The following TNRC6A variants were observed in gnomAD, a reference collection of about 807,000 sequenced individuals.
TNRC6A encodes the protein trinucleotide repeat-containing gene 6A protein.
In TNRC6A, 44 loss-of-function variants were observed where a neutral mutation model predicts 221.2. The observed-to-expected ratio is 0.20, with a 90% CI of 0.16 to 0.26. The LOEUF (loss-of-function observed/expected upper bound fraction) is 0.26. Ranked by LOEUF, TNRC6A falls within the 10% of genes least tolerant of loss-of-function variation. The pLI, the probability that TNRC6A is intolerant of heterozygous loss-of-function variation, is 1.00. For missense variants in TNRC6A, 2,199 were observed against 2,404.4 expected (o/e 0.91, Z 1.79); for synonymous variants, 847 against 838.5 (o/e 1.01, Z -0.18).
intron 1 of TNRC6A, among the ~76,000 whole-genome samples, chr16:24,610,980 T>C (rs1900027806): frequency 1.3e-5 from 2 of 151,974 alleles, no homozygotes; most frequent in African/African-American, 4.8e-5. Context: ...CCGTCTAATT[T>C]TTTTGTATTT....
At chr16:24,806,013 G>C (rs954272363) in intron 15 of TNRC6A, among the ~76,000 whole-genome samples, 193 bp from the exon 16 acceptor site, 6 of 152,154 alleles carry the variant, frequency 3.9e-5, no homozygotes, top group African/African-American at 1.2e-4. Flanking sequence ...AGTTTAGATT[G>C]AACTAAAGAC....
chr16:24,798,982 C>T (rs2058275342), intron 11 of TNRC6A, among the ~76,000 whole-genome samples: 1 of 152,186 alleles, frequency 6.6e-6, no homozygotes, highest in Non-Finnish European at 1.5e-5. Context: ...AGGAAATCCA[C>T]CCTCTAAGAT....
At chr16:24,626,250 A>C (rs1267829494) in intron 1 of TNRC6A, among the ~76,000 whole-genome samples, 4 of 152,082 alleles carry the variant, frequency 2.6e-5, no homozygotes, top group Non-Finnish European at 4.4e-5. Context: ...CAGAATCGCA[A>C]ATCTAGTGGT....
chr16:24,677,972 C>G (rs1214370830), intron 2 of TNRC6A, among the ~76,000 whole-genome samples: 2 of 152,088 alleles, frequency 1.3e-5, no homozygotes, highest in Non-Finnish European at 2.9e-5. Flanking sequence ...AATCCCCTCC[C>G]CATGACGTGA....
rs551183501 is a variant in TNRC6A, at chr16:24,656,141, CA to C, written n.402+15147del. 8.5e-3 allele frequency among the ~76,000 whole-genome samples: 954 copies of C among 112,572 alleles called. 6 individuals carry two copies. Among genetic ancestry groups the C allele is most frequent in the African/African-American group, 0.015 (451 of 29,730 alleles). 73.9% of individuals were successfully genotyped at this position (112,572 alleles called of 152,430 possible). ...AGGGTGACAGAACAAGACCTTGTCT[CA>C]AAAAAAAAAAAAAAGAAAAGAAAAG... is the stretch of plus-strand genomic sequence containing the variant. On this transcript the variant is annotated intron_variant and non_coding_transcript_variant, in intron 2 of 2. Transcript: ENST00000566108.
intron 1 of TNRC6A, among the ~76,000 whole-genome samples, chr16:24,616,392 T>A (rs910372599): frequency 1.3e-5 from 2 of 151,832 alleles, no homozygotes; most frequent in African/African-American, 4.8e-5. Context: ...TATTGTTGCT[T>A]AACTCCTAAA....
chr16:24,645,252 T>A (rs1261536504), intron 2 of TNRC6A, among the ~76,000 whole-genome samples: 1 of 152,150 alleles, frequency 6.6e-6, no homozygotes, highest in East Asian at 1.9e-4. Flanking sequence ...ATGCCTATAA[T>A]CCCAGCACTT....
chr16:24,625,882 AGCCT>A (rs1900960358), intron 1 of TNRC6A, among the ~76,000 whole-genome samples: 1 of 152,106 alleles, frequency 6.6e-6, no homozygotes, highest in African/African-American at 2.4e-5. Context: ...ATTACACTCT[AGCCT>A]GAGCTAGAGT....
At chr16:24,816,992 CTTAACA>C in intron 20 of TNRC6A, 36 bp downstream of exon 20, 1 of 1,595,750 alleles carries the variant, frequency 6.3e-7, no homozygotes, top group Non-Finnish European at 8.5e-7. Flanking sequence ...CTGAGTGACA[CTTAACA>C]CAGTTTAAGA....
chr16:24,759,467 A>C (rs541224453), intron 4 of TNRC6A, among the ~76,000 whole-genome samples: 20 of 152,260 alleles, frequency 1.3e-4, no homozygotes, highest in African/African-American at 4.6e-4. Flanking sequence ...AGGGATTTGA[A>C]AGGTAGAGCT....
At position 24,737,083 on chromosome 16, in the gene TNRC6A, A is replaced by T. The variant is rs74016416; in HGVS notation, c.53+6783A>T. ...CGGTGCCACCAGACCAAGGGTTCTC[A>T]TCCCGATGCCACAGAGGGACCACAG... On this transcript the variant is annotated intron_variant, in intron 2 of 24. Transcript: ENST00000395799. Among the ~76,000 whole-genome samples the T allele has an allele frequency of 4.6e-3, 704 of 152,322 alleles. 6 individuals are homozygous for T. The highest frequency in any genetic ancestry group is 0.016 in the African/African-American group (676 of 41,566).
intron 3 of TNRC6A, among the ~76,000 whole-genome samples, chr16:24,757,821 A>T (rs959866083): frequency 1.3e-5 from 2 of 152,212 alleles, no homozygotes; most frequent in Non-Finnish European, 2.9e-5. Context: ...TTAAAAGTTG[A>T]CTAAGTTTAA....
At chr16:24,812,053 TTTTTTTTTTTTTTGA>T (rs2058556957) in intron 18 of TNRC6A, among the ~76,000 whole-genome samples, 2 of 44,006 alleles carry the variant, frequency 4.5e-5, no homozygotes, top group African/African-American at 7.2e-5. Context: ...TTTTTTTTTT[TTTTTTTTTTTTTTGA>T]GACAGAGTCT....
intron 4 of TNRC6A, among the ~76,000 whole-genome samples, chr16:24,762,478 G>A (rs1163699308): frequency 6.6e-6 from 1 of 152,204 alleles, no homozygotes. Flanking sequence ...GGTATCAGCA[G>A]TTCAGAACAG....
chr16:24,660,391 G>C (rs752765254), intron 2 of TNRC6A, among the ~76,000 whole-genome samples: 6 of 152,252 alleles, frequency 3.9e-5, no homozygotes, highest in East Asian at 1.9e-4. Context: ...CATTCAGGTT[G>C]CTGCGAATGC....
chr16:24,733,838 C>T (rs991480153), intron 2 of TNRC6A, among the ~76,000 whole-genome samples: 2 of 152,132 alleles, frequency 1.3e-5, no homozygotes, highest in African/African-American at 4.8e-5. Flanking sequence ...AACTAGCGAT[C>T]TAGGCAAGAA....
intron 1 of TNRC6A, 121 bp from the exon 2 acceptor site, chr16:24,730,132 C>CGG: frequency 8.7e-6 from 5 of 577,268 alleles, no homozygotes; most frequent in Non-Finnish European, 1.3e-5. Context: ...CTCCCCCCGT[C>CGG]CTCTCCCCTC....
At chr16:24,817,515 A>C (rs1323866480) in intron 20 of TNRC6A, among the ~76,000 whole-genome samples, 4 of 152,114 alleles carry the variant, frequency 2.6e-5, no homozygotes, top group African/African-American at 9.7e-5. Context: ...CAATTTAAGG[A>C]TCCCTGCAGT....
intron 7 of TNRC6A, among the ~76,000 whole-genome samples, chr16:24,794,234 T>C (rs1340276145): frequency 6.6e-6 from 1 of 152,248 alleles, no homozygotes; most frequent in Non-Finnish European, 1.5e-5. Flanking sequence ...TTCTTTGTCC[T>C]GTGCATCACT....
Sources: gnomAD v4.1 joint callset for allele counts (sites outside exome capture counted in the v4.1 genomes callset) on GRCh38, gnomAD v4.1.1 for gene constraint, MANE v1.5 for transcripts, NCBI Gene and HGNC (gene_info 2026-07-23, HGNC 2026-07-21) for gene names.